Variants in RGS6 observed in about 807,000 individuals in gnomAD.
RGS6 encodes the protein regulator of G protein signaling 6, also known as regulator of G-protein signaling 6.
Under a neutral mutation model 78.5 loss-of-function variants are expected in RGS6, and 30 were observed. The observed-to-expected ratio is 0.38, with a 90% CI of 0.29 to 0.52. The LOEUF is 0.52. Ranked by LOEUF, RGS6 falls within the 20% of genes least tolerant of loss-of-function variation. RGS6 has a pLI of 0.85. For missense variants in RGS6, 495 were observed against 609.7 expected (o/e 0.81, Z 1.98); for synonymous variants, 206 against 206.0 (o/e 1.00, Z 0.00).
At chr14:71,882,044 A>G in the RGS6 span, among the ~76,000 whole-genome samples, 2 of 152,184 alleles carry the variant, frequency 1.3e-5, no homozygotes, top group African/African-American at 2.4e-5. Context: ...TCTCCACCAT[A>G]TATCCCCAGA....
rs8021272 is a variant in RGS6, at chr14:72,368,086, G to T, written c.184+15892G>T. On this transcript the variant is annotated intron_variant, in intron 3 of 17. Transcript: ENST00000553525. Reference sequence around the variant, plus strand: ...GTTGTAACAGAATGCCACAGACTGGGCAAAGAAGAGAGAAATGTATTTCTC... The same window carrying T: ...GTTGTAACAGAATGCCACAGACTGGTCAAAGAAGAGAGAAATGTATTTCTC... 2.7e-3 allele frequency among the ~76,000 whole-genome samples: 411 copies of T among 152,284 alleles called. 1 individual carries two copies. Among genetic ancestry groups the T allele is most frequent in the African/African-American group, 9.2e-3 (384 of 41,550 alleles).
At chr14:72,026,618 C>A (rs958170867) in intron 2 of RGS6, among the ~76,000 whole-genome samples, 9 of 152,200 alleles carry the variant, frequency 5.9e-5, no homozygotes, top group Non-Finnish European at 8.8e-5. Context: ...TGAGCACCCA[C>A]GTGCTGTCAA....
At chr14:72,361,431 G>T (rs185855580) in intron 3 of RGS6, among the ~76,000 whole-genome samples, 1 of 152,116 alleles carries the variant, frequency 6.6e-6, no homozygotes, top group Non-Finnish European at 1.5e-5. Context: ...TAAGTCAAGT[G>T]GCAAAGAAAT....
intron 2 of RGS6, among the ~76,000 whole-genome samples, chr14:72,124,417 C>T (rs985714621): frequency 6.6e-6 from 1 of 152,028 alleles, no homozygotes; most frequent in East Asian, 1.9e-4. Context: ...AACGAATGAG[C>T]CTTTGATTCT....
At chr14:72,342,212 A>G (rs1473370656) in intron 2 of RGS6, among the ~76,000 whole-genome samples, 2 of 149,568 alleles carry the variant, frequency 1.3e-5, no homozygotes, top group Non-Finnish European at 2.9e-5. Context: ...TGAGAAATAA[A>G]AAAGGATCTT....
the RGS6 span, among the ~76,000 whole-genome samples, chr14:71,885,389 T>C: frequency 6.6e-6 from 1 of 152,228 alleles, no homozygotes; most frequent in Non-Finnish European, 1.5e-5. Context: ...GACATTAATT[T>C]CTAGCATTCC....
intron 3 of RGS6, among the ~76,000 whole-genome samples, chr14:72,427,735 C>G (rs1223083137): frequency 6.6e-6 from 1 of 152,174 alleles, no homozygotes; most frequent in Non-Finnish European, 1.5e-5. Context: ...ACACCATTAT[C>G]CATGAAGGGG....
upstream of RGS6, among the ~76,000 whole-genome samples, chr14:71,927,446 A>C (rs1034505749): frequency 2.0e-5 from 3 of 152,144 alleles, no homozygotes; most frequent in Non-Finnish European, 2.9e-5. Context: ...AGAGAAAAAA[A>C]AATCCACTTC....
At chr14:72,109,833 A>T (rs1309524605) in intron 2 of RGS6, among the ~76,000 whole-genome samples, 1 of 152,162 alleles carries the variant, frequency 6.6e-6, no homozygotes, top group Non-Finnish European at 1.5e-5. Context: ...CACACAGAAG[A>T]CCTCAGATGT....
chr14:71,895,879 C>T, the RGS6 span, among the ~76,000 whole-genome samples: 1 of 152,150 alleles, frequency 6.6e-6, no homozygotes, highest in Non-Finnish European at 1.5e-5. Flanking sequence ...CAACCCATGG[C>T]ATTTCTGCTC....
At chr14:72,438,722 A>G (rs1467549384) in intron 3 of RGS6, among the ~76,000 whole-genome samples, 1 of 152,200 alleles carries the variant, frequency 6.6e-6, no homozygotes, top group Admixed American at 6.5e-5. Context: ...ACACAGTTCC[A>G]AACTGGTCTC....
At chr14:72,473,385 A>G (rs1456484184) in intron 9 of RGS6, among the ~76,000 whole-genome samples, 4 of 152,210 alleles carry the variant, frequency 2.6e-5, no homozygotes, top group African/African-American at 9.6e-5. Flanking sequence ...CGGAGCTTGC[A>G]GTGAGCCGAG....
At chr14:72,152,853 C>A (rs920342740) in intron 2 of RGS6, among the ~76,000 whole-genome samples, 3 of 152,024 alleles carry the variant, frequency 2.0e-5, no homozygotes, top group African/African-American at 7.2e-5. Context: ...ATTAGGCTTA[C>A]AGACACTTTG....
At chr14:72,420,039 C>A (rs2094086889) in intron 3 of RGS6, among the ~76,000 whole-genome samples, 1 of 152,104 alleles carries the variant, frequency 6.6e-6, no homozygotes, top group Non-Finnish European at 1.5e-5. Context: ...TCAGAATGGA[C>A]TCAGAGGGAA....
chr14:71,895,049 C>T, the RGS6 span, among the ~76,000 whole-genome samples: 2 of 152,020 alleles, frequency 1.3e-5, no homozygotes, highest in East Asian at 3.9e-4. Flanking sequence ...CAGGCGTGAG[C>T]CACTGCACCC....
chr14:72,225,387 A>G (rs530490198), intron 2 of RGS6, among the ~76,000 whole-genome samples: 1 of 152,302 alleles, frequency 6.6e-6, no homozygotes, highest in African/African-American at 2.4e-5. Context: ...CAGTGATGCA[A>G]TCACAGCCCT....
intron 2 of RGS6, among the ~76,000 whole-genome samples, chr14:72,130,519 A>T (rs1255600678): frequency 6.6e-6 from 1 of 152,182 alleles, no homozygotes; most frequent in Non-Finnish European, 1.5e-5. Context: ...ATAAAGATAC[A>T]GCTCAAAGGG....
chr14:71,997,078 T>TGAG (rs2095234368), intron 2 of RGS6, among the ~76,000 whole-genome samples: 1 of 105,898 alleles, frequency 9.4e-6, no homozygotes, highest in South Asian at 3.2e-4. Flanking sequence ...GCAGCAATCT[T>TGAG]GAGAGATGGT....
chr14:72,212,481 G>A (rs1378922107), intron 2 of RGS6, among the ~76,000 whole-genome samples: 1 of 152,188 alleles, frequency 6.6e-6, no homozygotes, highest in Non-Finnish European at 1.5e-5. Flanking sequence ...TGGGAGCTGT[G>A]ATTAGATGCT....
Sources: gnomAD v4.1 joint callset for allele counts (sites outside exome capture counted in the v4.1 genomes callset) on GRCh38, gnomAD v4.1.1 for gene constraint, MANE v1.5 for transcripts, NCBI Gene and HGNC (gene_info 2026-07-23, HGNC 2026-07-21) for gene names.